HNF4G: variants seen among roughly 807,000 people sequenced by gnomAD.
HNF4G encodes hepatocyte nuclear factor 4-gamma.
Under a neutral mutation model 50.9 loss-of-function variants are expected in HNF4G, and 21 were observed. The observed-to-expected ratio is 0.41, with a 90% CI of 0.29 to 0.59. HNF4G has a LOEUF of 0.59. Ranked by LOEUF, HNF4G falls within the 20% of genes least tolerant of loss-of-function variation. The pLI is 0.26. For missense variants in HNF4G, 527 were observed against 559.4 expected (o/e 0.94, Z 0.58); for synonymous variants, 198 against 185.6 (o/e 1.07, Z -0.54).
intron 1 of HNF4G, among the ~76,000 whole-genome samples, chr8:75,486,894 C>T (rs830779): frequency 0.8 from 121,576 of 152,012 alleles, 49,435 homozygotes; most frequent in African/African-American, 0.95. Flanking sequence ...CTCAGCAATG[C>T]GGGAAGCTGA....
intron 2 of HNF4G, among the ~76,000 whole-genome samples, chr8:75,528,779 T>A (rs1806247007): frequency 7.9e-6 from 1 of 126,798 alleles, no homozygotes; most frequent in African/African-American, 3.4e-5. Flanking sequence ...CCTAAACTTC[T>A]ACTTTTTTCA....
Position 75,517,932 on chromosome 8 carries a change from G to A in HNF4G, c.-23-25879G>A, listed in dbSNP as rs571351834. Reference sequence around the variant, plus strand: ...ACCATACCTCTGCCTGGACATCCAGGCATTTCCATACACCCGCTGAAATCT... The same window carrying A: ...ACCATACCTCTGCCTGGACATCCAGACATTTCCATACACCCGCTGAAATCT... On this transcript the variant is annotated intron_variant, in intron 2 of 10. Coordinates refer to the HNF4G transcript ENST00000354370. Among the ~76,000 whole-genome samples the A allele has an allele frequency of 6.8e-4, 103 of 151,698 alleles. 1 individual carries two copies. Among genetic ancestry groups the A allele is most frequent in the African/African-American group, 2.3e-3 (95 of 41,378 alleles).
intron 2 of HNF4G, among the ~76,000 whole-genome samples, chr8:75,519,756 T>C (rs953699829): frequency 2.0e-5 from 3 of 152,252 alleles, no homozygotes; most frequent in African/African-American, 7.2e-5. Flanking sequence ...ATACAACTTT[T>C]TTTCTTGTTT....
intron 1 of HNF4G, among the ~76,000 whole-genome samples, chr8:75,409,533 G>C (rs1810447252): frequency 7.7e-6 from 1 of 129,532 alleles, no homozygotes; most frequent in Non-Finnish European, 1.5e-5. Flanking sequence ...CTGTCACCCA[G>C]GCTAGAGTAT....
chr8:75,562,988 A>C (rs1437246047), intron 9 of HNF4G, among the ~76,000 whole-genome samples: 1 of 152,138 alleles, frequency 6.6e-6, no homozygotes, highest in Non-Finnish European at 1.5e-5. Context: ...CTTCTAAGTA[A>C]TTGCTAATCC....
In HNF4G at chr8:75,551,443, C is replaced by A; in HGVS notation, c.438C>A (p.Ser146Arg). The change falls in exon 4 of 10, where the codon AGC (serine) becomes AGA (arginine). Residue 146 changes from serine to arginine, a missense_variant. By Grantham distance (110) the Ser-to-Arg change is moderately radical (BLOSUM62 -1). Transcript: ENST00000396423. ...ISTRRSTFDGSNIPSINTLAQ... is the reference protein window; with the variant it reads ...ISTRRSTFDGRNIPSINTLAQ... ...CCAGAAGAAGCACATTTGATGGCAG[C>A]AACATCCCCTCCATTAACACACTGG... 1 of 1,613,350 alleles carries A rather than the reference C, an allele frequency of 6.2e-7. No individual in the cohort carries two copies. Among genetic ancestry groups the A allele is most frequent in the Non-Finnish European group, 8.5e-7 (1 of 1,179,478 alleles).
chr8:75,467,994 C>T (rs145100663), intron 1 of HNF4G, among the ~76,000 whole-genome samples: 128 of 152,026 alleles, frequency 8.4e-4, no homozygotes, highest in African/African-American at 2.9e-3. Context: ...ATGATATCGT[C>T]ATATATATTT....
At chr8:75,440,641 A>G (rs1352482084) in intron 1 of HNF4G, among the ~76,000 whole-genome samples, 2 of 152,172 alleles carry the variant, frequency 1.3e-5, no homozygotes, top group African/African-American at 4.8e-5. Flanking sequence ...TGTCCTGACC[A>G]AAATTAAAGG....
At position 75,512,263 on chromosome 8, in the gene HNF4G, T is replaced by C. The variant is rs375515529; in HGVS notation, c.-24+22055T>C. 2.3e-4 allele frequency among the ~76,000 whole-genome samples: 35 copies of C among 151,964 alleles called. 1 individual carries two copies. In the South Asian group the frequency reaches 4.8e-3, roughly 21 times the overall value. On this transcript the variant is annotated intron_variant, in intron 2 of 10. Coordinates refer to the HNF4G transcript ENST00000354370. Reference sequence around the variant, plus strand: ...GCTAGCAGCAATTTTATGTCTTTCATGATACTAAAGTCATGATTCTAATTG... The same window carrying C: ...GCTAGCAGCAATTTTATGTCTTTCACGATACTAAAGTCATGATTCTAATTG...
At chr8:75,495,696 C>G (rs760999649) in intron 2 of HNF4G, among the ~76,000 whole-genome samples, 3 of 152,004 alleles carry the variant, frequency 2.0e-5, no homozygotes, top group Non-Finnish European at 4.4e-5. Flanking sequence ...TCCCACCAGG[C>G]CTGGCTAATT....
At chr8:75,493,032 T>C (rs1812671593) in intron 2 of HNF4G, among the ~76,000 whole-genome samples, 1 of 151,992 alleles carries the variant, frequency 6.6e-6, no homozygotes, top group Non-Finnish European at 1.5e-5. Context: ...TATATATATA[T>C]ATACACTCAC....
chr8:75,487,981 A>G (rs1585887697), intron 1 of HNF4G, among the ~76,000 whole-genome samples: 1 of 152,324 alleles, frequency 6.6e-6, no homozygotes, highest in East Asian at 1.9e-4. Flanking sequence ...AGATCTCTTG[A>G]GAACTCACTC....
chr8:75,474,529 G>T (rs1458881187), intron 1 of HNF4G, among the ~76,000 whole-genome samples: 1 of 152,074 alleles, frequency 6.6e-6, no homozygotes, highest in East Asian at 1.9e-4. Flanking sequence ...CAATATTGAT[G>T]AAAAAAGTTG....
At chr8:75,491,303 C>T (rs1374362420) in intron 2 of HNF4G, among the ~76,000 whole-genome samples, 1 of 151,964 alleles carries the variant, frequency 6.6e-6, no homozygotes, top group Non-Finnish European at 1.5e-5. Context: ...TGAAGATTTA[C>T]TTTTATGATA....
intron 2 of HNF4G, among the ~76,000 whole-genome samples, chr8:75,534,690 A>T (rs548577248): frequency 3.3e-4 from 50 of 151,886 alleles, no homozygotes; most frequent in Non-Finnish European, 4.0e-4. Flanking sequence ...CAAGGTGCTT[A>T]TGTATTTCTG....
intron 2 of HNF4G, among the ~76,000 whole-genome samples, chr8:75,522,129 A>C (rs534819741): frequency 8.5e-5 from 13 of 152,342 alleles, no homozygotes; most frequent in Non-Finnish European, 1.6e-4. Flanking sequence ...GAATGACAAA[A>C]GCTGTATTCA....
chr8:75,483,934 C>T (rs1469968629), intron 1 of HNF4G, among the ~76,000 whole-genome samples: 1 of 152,114 alleles, frequency 6.6e-6, no homozygotes, highest in African/African-American at 2.4e-5. Context: ...TTGCTATACA[C>T]ATGGACACTT....
At chr8:75,559,279 T>TA (rs199633924) in intron 8 of HNF4G, among the ~76,000 whole-genome samples, 1 of 149,570 alleles carries the variant, frequency 6.7e-6, no homozygotes, top group South Asian at 2.1e-4. Flanking sequence ...TTTTGTTTGT[T>TA]TTTTTTTTTT....
At chr8:75,477,082 A>G (rs1168799709) in intron 1 of HNF4G, among the ~76,000 whole-genome samples, 2 of 152,198 alleles carry the variant, frequency 1.3e-5, no homozygotes, top group African/African-American at 4.8e-5. Flanking sequence ...TTTTATCAAC[A>G]TCTTGTCAAT....
Sources: gnomAD v4.1 joint callset for allele counts (sites outside exome capture counted in the v4.1 genomes callset) on GRCh38, gnomAD v4.1.1 for gene constraint, MANE v1.5 for transcripts, NCBI Gene and HGNC (gene_info 2026-07-23, HGNC 2026-07-21) for gene names.